The following PANK3 variants were observed in gnomAD, a reference collection of about 807,000 sequenced individuals.
PANK3 encodes the protein pantothenate kinase 3.
In PANK3, 20 loss-of-function variants were observed where a neutral mutation model predicts 39.4. The observed-to-expected ratio is 0.51, with a 90% CI of 0.36 to 0.74. The LOEUF is 0.74. Ranked by LOEUF, PANK3 falls within the 30% of genes least tolerant of loss-of-function variation. PANK3 has a pLI of 0.00. For synonymous variants in PANK3, 140 were observed against 157.3 expected, an observed-to-expected ratio of 0.89 and a Z score of 0.82; for missense variants, 265 against 437.0, an observed-to-expected ratio of 0.61 and a Z score of 3.51.
Position 168,579,333 on chromosome 5 carries a change from G to A in PANK3, c.-50C>T, listed in dbSNP as rs779630361. 4 of 1,410,460 alleles carry A rather than the reference G, an allele frequency of 2.8e-6. No individual in the cohort carries two copies. Among genetic ancestry groups the A allele is most frequent in the African/African-American group, 1.5e-5 (1 of 66,994 alleles). The allele number at this position is 1,410,460 out of a possible 1,614,324, so 87.4% of individuals were successfully genotyped here. A position where few individuals can be genotyped will look rare whatever the true frequency, so the allele number is the denominator to read the frequency against. On this transcript the variant is annotated 5_prime_UTR_variant, in exon 1 of 7. Coordinates refer to ENST00000239231, the MANE Select transcript of PANK3 (RefSeq NM_024594.4). ...CGGCCTCCGATCCGGGGCACTGAGA[G>A]CAGAGGCGGCGACTCCGGAGGTGGC... is the stretch of plus-strand genomic sequence containing the variant.
In PANK3 at chr5:168,579,298, G is replaced by A; in HGVS notation, c.-15C>T. The A allele has an allele frequency of 6.7e-7, 1 of 1,483,592 alleles. No individual in the cohort carries two copies. Among genetic ancestry groups the A allele is most frequent in the Non-Finnish European group, 9.0e-7 (1 of 1,113,006 alleles). The allele number at this position is 1,483,592 out of a possible 1,614,324, so 91.9% of individuals were successfully genotyped here. A position where few individuals can be genotyped will look rare whatever the true frequency, so the allele number is the denominator to read the frequency against. On this transcript the variant is annotated 5_prime_UTR_variant, in exon 1 of 7. Coordinates refer to ENST00000239231, the MANE Select transcript of PANK3 (RefSeq NM_024594.4). ...TTGATCTTCATGGCGTCGGCCCGAGGGGCGATGGACGGCCTCCGATCCGGG... is the reference window on the plus strand; with the variant it reads ...TTGATCTTCATGGCGTCGGCCCGAGAGGCGATGGACGGCCTCCGATCCGGG...
At position 168,548,945 on chromosome 5, in the gene PANK3, C is replaced by A. The variant is rs2113091966; in HGVS notation, c.*8626G>T. The A allele has an allele frequency of 6.6e-6, 1 of 152,204 alleles. No homozygotes were observed. Among genetic ancestry groups the A allele is most frequent in the Non-Finnish European group, 1.5e-5 (1 of 67,980 alleles). 9.4% of individuals were successfully genotyped at this position (152,204 alleles called of 1,614,324 possible). ...AGAATGATGTAATAGAATGAGGCAA[C>A]TGAAACTGAAATGGCATGTGTAAGT... On this transcript the variant is annotated 3_prime_UTR_variant, in exon 7 of 7. Transcript: ENST00000239231.
rs376244002 is a variant in PANK3 at position 168,551,266 on chromosome 5, T to C, written c.*6305A>G. ...AATTCCTTAGGTATTAGAATAAACA[T>C]AAACTTGATCATGGATACCTCATGG... On this transcript the variant is annotated 3_prime_UTR_variant, in exon 7 of 7. Transcript: ENST00000239231. 29 of 152,302 alleles carry C rather than the reference T, an allele frequency of 1.9e-4. No individual in the cohort carries two copies. Among genetic ancestry groups the C allele is most frequent in the African/African-American group, 7.0e-4 (29 of 41,572 alleles). 9.4% of individuals were successfully genotyped at this position (152,302 alleles called of 1,614,324 possible). A position where few individuals can be genotyped will look rare whatever the true frequency, so the allele number is the denominator to read the frequency against.
chr5:168,560,969 C>T, intron 5 of PANK3: 1 of 508,178 alleles, frequency 2.0e-6, no homozygotes. Flanking sequence ...AAGCCGAGGG[C>T]AGTAAGAAAA....
rs889087972 is a variant in PANK3 at position 168,548,875 on chromosome 5, T to C, written c.*8696A>G. The C allele has an allele frequency of 6.6e-6, 1 of 152,166 alleles. No homozygotes were observed. The highest frequency in any genetic ancestry group is 1.5e-5 in the Non-Finnish European group (1 of 68,024). The allele number at this position is 152,166 out of a possible 1,614,324, so 9.4% of individuals were successfully genotyped here. On this transcript the variant is annotated 3_prime_UTR_variant, in exon 7 of 7. Coordinates refer to ENST00000239231, the MANE Select transcript of PANK3 (RefSeq NM_024594.4). ...ACATCATACATTTTTACATCACAGA[T>C]TCAGTGTTAAAAGAATTCAGACATG... is the stretch of plus-strand genomic sequence containing the variant.
chr5:168,556,078 T>TA lies in PANK3; in HGVS notation c.*1492dup, dbSNP rs1378573468. 6.6e-6 allele frequency: 1 copy of TA among 152,204 alleles called. No individual in the cohort carries two copies. The highest frequency in any genetic ancestry group is 2.1e-4 in the South Asian group (1 of 4,832). The allele number at this position is 152,204 out of a possible 1,614,324, so 9.4% of individuals were successfully genotyped here. The stretch of plus-strand genomic sequence containing the variant: ...TTCAGACTCATCTACCTTTCCAAGT[T>TA]AGACAGTTGGGGAAAGAACTTCCTA... On this transcript the variant is annotated 3_prime_UTR_variant, in exon 7 of 7. Transcript: ENST00000239231.
rs201700865 is a variant in PANK3 at position 168,566,137 on chromosome 5, G to A, written c.511C>T (p.Arg171Ter). 1.2e-6 allele frequency: 2 copies of A among 1,613,900 alleles called. No individual in the cohort carries two copies. The highest frequency in any genetic ancestry group is 1.7e-6 in the Non-Finnish European group (2 of 1,179,998). Residue 171 changes from arginine (R) to a stop codon, truncating the protein, a stop_gained, in exon 3 of 7, where the codon CGA becomes TGA. Coordinates refer to ENST00000239231, the MANE Select transcript of PANK3 (RefSeq NM_024594.4). LOFTEE classifies it high-confidence loss of function. ...AGGTTAAAAGGCATCTTTTGGCATC[G>A]CTCAGGTTCTGAGGCATTAGCAAAA... Reference protein sequence around the residue: ...YYFANASEPERCQKMPFNLDD... With the variant: ...YYFANASEPE
intron 2 of PANK3, among the ~76,000 whole-genome samples, chr5:168,567,592 T>C (rs1759556495): frequency 6.6e-6 from 1 of 152,162 alleles, no homozygotes; most frequent in South Asian, 2.1e-4. Context: ...TCAAATTATA[T>C]GGGTCTCGCT....
At chr5:168,571,668 ATG>A (rs1426441038) in intron 1 of PANK3, among the ~76,000 whole-genome samples, 8 of 152,356 alleles carry the variant, frequency 5.3e-5, no homozygotes, top group African/African-American at 1.9e-4. Flanking sequence ...TTTATTTGAT[ATG>A]TGTGTGCATT....
rs527603189 is a variant in PANK3 at position 168,558,895 on chromosome 5, G to C, written c.1062+137C>G. 8.7e-6 allele frequency: 6 copies of C among 692,366 alleles called. 1 individual carries two copies. The East Asian group carries it at 9.5e-5, about 11-fold the overall frequency. 42.9% of individuals were successfully genotyped at this position (692,366 alleles called of 1,614,324 possible). ...AGCTACTTGGGAGGCTGAGGTGGGA[G>C]GATTGATGAGCCCAGGAGGAAGAGG... On this transcript the variant is annotated intron_variant, in intron 6 of 6. Transcript: ENST00000239231.
At chr5:168,574,843 A>C (rs1759706498) in intron 1 of PANK3, among the ~76,000 whole-genome samples, 1 of 152,108 alleles carries the variant, frequency 6.6e-6, no homozygotes. Context: ...CCTGGGCGAC[A>C]AAAGCGAGAC....
At chr5:168,566,351 A>G in intron 2 of PANK3, 85 bp from the exon 3 acceptor site, 3 of 1,419,008 alleles carry the variant, frequency 2.1e-6, no homozygotes, top group Non-Finnish European at 2.8e-6. Flanking sequence ...CTTTACAAAA[A>G]TTAAAAATGG....
intron 6 of PANK3, 58 bp downstream of exon 6, chr5:168,558,974 A>G: frequency 6.5e-7 from 1 of 1,536,374 alleles, no homozygotes; most frequent in Non-Finnish European, 8.9e-7. Context: ...ACAGAGCAAG[A>G]CCCTGTCTCT....
At chr5:168,562,121 C>T (rs897160217) in intron 4 of PANK3, among the ~76,000 whole-genome samples, 4 of 152,132 alleles carry the variant, frequency 2.6e-5, no homozygotes, top group Non-Finnish European at 5.9e-5. Flanking sequence ...AAGTGCCTTA[C>T]GTGGCTAGAG....
chr5:168,574,104 CA>C (rs1317918609), intron 1 of PANK3, among the ~76,000 whole-genome samples: 1 of 150,354 alleles, frequency 6.7e-6, no homozygotes, highest in Non-Finnish European at 1.5e-5. Context: ...CTGACTTCCA[CA>C]ATGGTTGAAC....
At chr5:168,573,547 T>G (rs1759682444) in intron 1 of PANK3, among the ~76,000 whole-genome samples, 1 of 151,592 alleles carries the variant, frequency 6.6e-6, no homozygotes, top group Non-Finnish European at 1.5e-5. Context: ...ATACTTTAAG[T>G]TTTAGGGTAC....
At chr5:168,564,601 T>C (rs1360758294) in intron 3 of PANK3, among the ~76,000 whole-genome samples, 5 of 152,188 alleles carry the variant, frequency 3.3e-5, no homozygotes, top group South Asian at 4.1e-4. Flanking sequence ...TGGACTAATA[T>C]ATATGTATAT....
chr5:168,577,004 C>A (rs926112671), intron 1 of PANK3, among the ~76,000 whole-genome samples: 4 of 152,002 alleles, frequency 2.6e-5, no homozygotes, highest in African/African-American at 9.7e-5. Flanking sequence ...CTCAAGCCTC[C>A]CGAACAGCTT....
Position 168,568,782 on chromosome 5 carries a change from A to C in PANK3, c.245T>G (p.Leu82Trp), listed in dbSNP as rs1759574741. Residue 82 changes from leucine to tryptophan, a missense_variant, in exon 2 of 7, where the codon TTG becomes TGG. Around this residue, in one of 3 missense-constraint regions of PANK3, gnomAD observed 154 missense variants for 256.8 expected, o/e 0.60. Transcript: ENST00000239231. ...DLTLFGRRGN[L>W]HFIRFPTQDL... ...CTGGGTTGGAAACCTGATAAAGTGCAAGTTCCCTCTTCGGCCAAAAAGTGT... is the reference window on the plus strand; with the variant it reads ...CTGGGTTGGAAACCTGATAAAGTGCCAGTTCCCTCTTCGGCCAAAAAGTGT... 8.1e-6 allele frequency: 13 copies of C among 1,614,016 alleles called. No individual in the cohort carries two copies. In the East Asian group the frequency reaches 2.9e-4, roughly 36 times the overall value.
Sources: allele counts gnomAD v4.1 joint callset (sites outside exome capture counted in the v4.1 genomes callset), GRCh38; gene constraint gnomAD v4.1.1; regional missense constraint gnomAD v4.1.1; transcripts MANE v1.5; gene names NCBI Gene and HGNC (gene_info 2026-07-23, HGNC 2026-07-21).